The following AGBL1 variants were observed in gnomAD, a reference collection of about 807,000 sequenced individuals.
AGBL1 encodes the protein AGBL carboxypeptidase 1.
Under a neutral mutation model 118.9 loss-of-function variants are expected in AGBL1, and 130 were observed. The observed-to-expected ratio is 1.09, with a 90% CI of 0.95 to 1.26. The LOEUF (loss-of-function observed/expected upper bound fraction) is 1.26, where lower values mean the gene tolerates loss of function less well. Among genes scored for constraint, AGBL1 ranks in the 50% most tolerant of loss-of-function variants. The pLI is 0.00. For synonymous variants in AGBL1, 555 were observed against 478.9 expected (o/e 1.16, Z -2.08); for missense variants, 1,584 against 1,298.1 (o/e 1.22, Z -3.38).
At chr15:86,286,396 G>A (rs1253756942) in intron 16 of AGBL1, among the ~76,000 whole-genome samples, 2 of 150,192 alleles carry the variant, frequency 1.3e-5, no homozygotes, top group African/African-American at 4.9e-5. Context: ...TGCAATAGAT[G>A]ACCAGACGTT....
At chr15:86,774,652 G>C (rs1283156523) in intron 22 of AGBL1, among the ~76,000 whole-genome samples, 3 of 152,046 alleles carry the variant, frequency 2.0e-5, no homozygotes, top group Admixed American at 6.6e-5. Context: ...ATCATTGAGG[G>C]CTAGTGGAAA....
intron 21 of AGBL1, among the ~76,000 whole-genome samples, chr15:86,596,630 A>G (rs1057480218): frequency 3.9e-5 from 6 of 152,038 alleles, no homozygotes; most frequent in African/African-American, 7.2e-5. Context: ...GCTAACAACT[A>G]TATTCAAGTC....
chr15:86,775,759 T>G (rs2078246934), intron 22 of AGBL1, among the ~76,000 whole-genome samples: 1 of 152,170 alleles, frequency 6.6e-6, no homozygotes, highest in Admixed American at 6.6e-5. Context: ...ATTAAAATTG[T>G]TTACATTTTA....
chr15:86,398,730 G>T (rs907636529), intron 18 of AGBL1, among the ~76,000 whole-genome samples: 2 of 152,032 alleles, frequency 1.3e-5, no homozygotes, highest in African/African-American at 4.8e-5. Context: ...GCCAAGAATA[G>T]ACTAGTTTCA....
At chr15:86,346,756 C>A (rs2080544147) in intron 17 of AGBL1, among the ~76,000 whole-genome samples, 1 of 152,176 alleles carries the variant, frequency 6.6e-6, no homozygotes, top group Non-Finnish European at 1.5e-5. Context: ...TCAGGAACTT[C>A]TGAAAAATGG....
At chr15:86,519,021 T>C (rs1016864577) in intron 18 of AGBL1, among the ~76,000 whole-genome samples, 30 of 152,026 alleles carry the variant, frequency 2.0e-4, no homozygotes, top group African/African-American at 6.0e-4. Flanking sequence ...AATGTCTTTA[T>C]TTGTGAAAAA....
At chr15:86,850,416 A>G (rs978926630) in intron 22 of AGBL1, among the ~76,000 whole-genome samples, 1 of 152,204 alleles carries the variant, frequency 6.6e-6, no homozygotes, top group South Asian at 2.1e-4. Context: ...CACATTTCCT[A>G]TAGCACCGAC....
intron 22 of AGBL1, among the ~76,000 whole-genome samples, chr15:86,795,648 G>A (rs557501403): frequency 2.0e-4 from 30 of 149,952 alleles, no homozygotes; most frequent in African/African-American, 5.9e-4. Flanking sequence ...GCAATGGCGC[G>A]ATCTCAGTTC....
chr15:86,741,420 A>T (rs1476935088), intron 22 of AGBL1, among the ~76,000 whole-genome samples: 1 of 134,058 alleles, frequency 7.5e-6, no homozygotes, highest in Non-Finnish European at 1.6e-5. Context: ...AAAAAAAAAA[A>T]AGAATTCAAC....
intron 21 of AGBL1, among the ~76,000 whole-genome samples, chr15:86,664,383 G>A (rs1452889991): frequency 6.6e-6 from 1 of 152,204 alleles, no homozygotes; most frequent in Admixed American, 6.5e-5. Flanking sequence ...TGCATGGTCT[G>A]ATTGACTCAG....
intron 18 of AGBL1, among the ~76,000 whole-genome samples, chr15:86,473,608 C>A (rs2082511881): frequency 6.6e-6 from 1 of 151,696 alleles, no homozygotes; most frequent in Non-Finnish European, 1.5e-5. Context: ...TATGTATTTT[C>A]TTCATATCAA....
chr15:86,321,897 A>G (rs2080110455), intron 17 of AGBL1, among the ~76,000 whole-genome samples: 1 of 151,932 alleles, frequency 6.6e-6, no homozygotes, highest in Non-Finnish European at 1.5e-5. Flanking sequence ...ACTTTTTTTA[A>G]CCCATGAATT....
intron 21 of AGBL1, among the ~76,000 whole-genome samples, chr15:86,589,422 G>T (rs2084301910): frequency 6.6e-6 from 1 of 152,054 alleles, no homozygotes; most frequent in Admixed American, 6.6e-5. Flanking sequence ...CATGATAAAT[G>T]GTTAAATTTG....
At chr15:86,958,191 C>G (rs1201362567) in intron 23 of AGBL1, among the ~76,000 whole-genome samples, 3 of 138,904 alleles carry the variant, frequency 2.2e-5, no homozygotes, top group Non-Finnish European at 4.6e-5. Context: ...GGTGATAGAG[C>G]AAGATCTTGT....
chr15:86,745,435 C>T (rs566332667), intron 22 of AGBL1, among the ~76,000 whole-genome samples: 1 of 152,062 alleles, frequency 6.6e-6, no homozygotes, highest in South Asian at 2.1e-4. Flanking sequence ...TGCATCTATG[C>T]CACAGGAAAA....
Position 86,104,560 on chromosome 15 carries a change from A to G in AGBL1, c.51+24537A>G, listed in dbSNP as rs553458434. ...GCTGTATGTGGGGGAGTCTTCTCTC[A>G]GGGCACATGAAAACGCACAGAGGTC... is the stretch of plus-strand genomic sequence containing the variant. On this transcript the variant is annotated intron_variant, in intron 1 of 22. Coordinates refer to ENST00000614907, the MANE Select transcript of AGBL1 (RefSeq NM_001386094.1). Among the ~76,000 whole-genome samples, 153 of 152,172 alleles carry G rather than the reference A, an allele frequency of 1.0e-3. 2 individuals carry two copies. Among genetic ancestry groups the G allele is most frequent in the African/African-American group, 3.6e-3 (148 of 41,510 alleles).
At chr15:86,507,871 TAAAGATGCCTC>T (rs1176654405) in intron 18 of AGBL1, among the ~76,000 whole-genome samples, 3 of 152,172 alleles carry the variant, frequency 2.0e-5, no homozygotes, top group Admixed American at 2.0e-4. Flanking sequence ...GGGTATGTGA[TAAAGATGCCTC>T]AAAGATGACT....
At chr15:86,217,083 G>A (rs62013788) in intron 5 of AGBL1, among the ~76,000 whole-genome samples, 4,379 of 152,298 alleles carry the variant, frequency 0.029, 91 homozygotes, top group Middle Eastern at 0.048. Context: ...CTCTACAGCT[G>A]ATCTCTTTAC....
rs997545822 is a variant in AGBL1 at position 86,914,744 on chromosome 15, C to T, written c.*7450C>T. Reference sequence around the variant, plus strand: ...AGATCACAACCTTAACTCAGGCAATCGGACTCTTAAACTTGCTCTCCAAGG... The same window carrying T: ...AGATCACAACCTTAACTCAGGCAATTGGACTCTTAAACTTGCTCTCCAAGG... On this transcript the variant is annotated 3_prime_UTR_variant, in exon 23 of 23. Coordinates refer to ENST00000614907, the MANE Select transcript of AGBL1 (RefSeq NM_001386094.1). 1.3e-5 allele frequency: 2 copies of T among 152,146 alleles called. No individual in the cohort carries two copies. Among genetic ancestry groups the T allele is most frequent in the African/African-American group, 2.4e-5 (1 of 41,420 alleles). The allele number at this position is 152,146 out of a possible 1,614,324, so 9.4% of individuals were successfully genotyped here.
Sources: allele counts gnomAD v4.1 joint callset (sites outside exome capture counted in the v4.1 genomes callset), GRCh38; gene constraint gnomAD v4.1.1; transcripts MANE v1.5; gene names NCBI Gene and HGNC (gene_info 2026-07-23, HGNC 2026-07-21).